Variants in MACROD2 observed in about 807,000 individuals in gnomAD.
The protein encoded by MACROD2 is mono-ADP ribosylhydrolase 2, also known as ADP-ribose glycohydrolase MACROD2.
MACROD2 carries 36 observed loss-of-function variants against 70.4 expected under a neutral mutation model. The ratio of observed to expected loss-of-function variants is 0.51; its 90% CI spans 0.39 to 0.68. MACROD2 has a LOEUF of 0.68. Ranked by LOEUF, MACROD2 falls within the 30% of genes least tolerant of loss-of-function variation. The probability of loss-of-function intolerance (pLI) is 0.00; values close to 1 mark genes in which losing one functional copy is unlikely to be tolerated. For synonymous variants in MACROD2, 172 were observed against 178.8 expected, an observed-to-expected ratio of 0.96 and a Z score of 0.30; for missense variants, 496 against 538.4, an observed-to-expected ratio of 0.92 and a Z score of 0.78.
At chr20:14,041,107 T>A (rs2053384556) in intron 2 of MACROD2, among the ~76,000 whole-genome samples, 1 of 152,214 alleles carries the variant, frequency 6.6e-6, no homozygotes, top group Non-Finnish European at 1.5e-5. Flanking sequence ...CCAAACATTT[T>A]TAATTTACCT....
Position 15,085,873 on chromosome 20 carries a change from A to AACACACACAC in MACROD2, c.419-144037_419-144028dup, listed in dbSNP as rs3070249. Among the ~76,000 whole-genome samples, 706 of 144,376 alleles carry AACACACACAC rather than the reference A, an allele frequency of 4.9e-3. 4 individuals carry two copies. The highest frequency in any genetic ancestry group is 0.025 in the South Asian group (108 of 4,382). The allele number at this position is 144,376 out of a possible 152,430, so 94.7% of individuals were successfully genotyped here. ...AAAGATGAATAACACACACACACACAACACACACACACACACACACACACA... is the reference window on the plus strand; with the variant it reads ...AAAGATGAATAACACACACACACACAACACACACACACACACACACACACACACACACACA... On this transcript the variant is annotated intron_variant, in intron 5 of 17. Coordinates refer to ENST00000684519, the MANE Select transcript of MACROD2 (RefSeq NM_001351661.2).
At chr20:15,052,654 C>A (rs989349104) in intron 5 of MACROD2, among the ~76,000 whole-genome samples, 17 of 152,158 alleles carry the variant, frequency 1.1e-4, no homozygotes, top group Admixed American at 8.5e-4. Context: ...TCTCCTGGAG[C>A]CTCCGTATTC....
At chr20:15,036,561 A>G (rs978043053) in intron 5 of MACROD2, among the ~76,000 whole-genome samples, 3 of 152,196 alleles carry the variant, frequency 2.0e-5, no homozygotes, top group Non-Finnish European at 4.4e-5. Flanking sequence ...ATCATCAATC[A>G]TAATCACGCA....
At chr20:15,212,069 C>T (rs1568640669) in intron 5 of MACROD2, among the ~76,000 whole-genome samples, 1 of 152,132 alleles carries the variant, frequency 6.6e-6, no homozygotes, top group African/African-American at 2.4e-5. Flanking sequence ...GAAATGTCAT[C>T]TCATTGTAGT....
chr20:15,969,112 G>A (rs1433566537), intron 13 of MACROD2, among the ~76,000 whole-genome samples: 1 of 152,026 alleles, frequency 6.6e-6, no homozygotes, highest in Non-Finnish European at 1.5e-5. Context: ...GAATGAACGA[G>A]CAGTAGATTG....
intron 8 of MACROD2, among the ~76,000 whole-genome samples, chr20:15,501,868 C>T (rs866397641): frequency 2.6e-5 from 4 of 152,126 alleles, no homozygotes; most frequent in African/African-American, 7.2e-5. Flanking sequence ...AAACAAACAA[C>T]AGACTAGGTT....
chr20:15,878,122 T>A (rs934313627), intron 9 of MACROD2, among the ~76,000 whole-genome samples: 1 of 151,896 alleles, frequency 6.6e-6, no homozygotes, highest in African/African-American at 2.4e-5. Context: ...CCATGGACCA[T>A]GATAATCTTG....
At chr20:14,759,826 T>C (rs1242664974) in intron 5 of MACROD2, among the ~76,000 whole-genome samples, 11 of 152,094 alleles carry the variant, frequency 7.2e-5, no homozygotes, top group Admixed American at 5.2e-4. Context: ...TTCACTCCAC[T>C]GTATATTAGT....
chr20:14,822,140 C>T (rs916645436), intron 5 of MACROD2, among the ~76,000 whole-genome samples: 4 of 151,984 alleles, frequency 2.6e-5, no homozygotes, highest in Non-Finnish European at 4.4e-5. Flanking sequence ...GCATCTTGTA[C>T]AAAACAAGAC....
rs571213373 is a variant in MACROD2, at chr20:15,133,821, T to C, written c.419-96119T>C. ...TAAATAACACAATATGATGAAGAAT[T>C]ATGAAAATCTTTTAAAATTAACTGT... On this transcript the variant is annotated intron_variant, in intron 5 of 17. Transcript: ENST00000684519. Among the ~76,000 whole-genome samples the C allele has an allele frequency of 2.8e-4, 42 of 152,114 alleles. 1 individual carries two copies. The Middle Eastern group carries it at 0.014, about 49-fold the overall frequency.
At chr20:15,640,562 GC>G (rs1380925317) in intron 8 of MACROD2, among the ~76,000 whole-genome samples, 1 of 152,214 alleles carries the variant, frequency 6.6e-6, no homozygotes, top group Non-Finnish European at 1.5e-5. Context: ...CTATGAGGCA[GC>G]CCTGCCCATG....
At chr20:15,645,115 C>G (rs1428964856) in intron 8 of MACROD2, among the ~76,000 whole-genome samples, 1 of 152,166 alleles carries the variant, frequency 6.6e-6, no homozygotes, top group Non-Finnish European at 1.5e-5. Context: ...TCTCGTGACT[C>G]AAAATAAATG....
At chr20:14,964,616 G>A (rs993564034) in intron 5 of MACROD2, among the ~76,000 whole-genome samples, 5 of 151,776 alleles carry the variant, frequency 3.3e-5, no homozygotes, top group African/African-American at 4.8e-5. Context: ...GAGACTGCAC[G>A]CACACTAGCA....
intron 2 of MACROD2, among the ~76,000 whole-genome samples, chr20:14,059,825 G>A (rs75171057): frequency 0.047 from 7,169 of 152,270 alleles, 260 homozygotes; most frequent in Non-Finnish European, 0.073. Context: ...CTATAAAGAA[G>A]ATAAAATGCT....
intron 5 of MACROD2, among the ~76,000 whole-genome samples, chr20:14,862,737 G>T (rs2073385557): frequency 8.2e-6 from 1 of 121,238 alleles, no homozygotes; most frequent in Non-Finnish European, 1.6e-5. Flanking sequence ...TAGAGAGGAT[G>T]AAGACCAAAG....
At chr20:14,396,989 C>CTTTT (rs372145747) in intron 3 of MACROD2, among the ~76,000 whole-genome samples, 1 of 97,008 alleles carries the variant, frequency 1.0e-5, no homozygotes, top group Non-Finnish European at 1.8e-5. Context: ...AGACCATTTA[C>CTTTT]TTTTTTTTTT....
intron 5 of MACROD2, among the ~76,000 whole-genome samples, chr20:15,136,544 C>T (rs939114482): frequency 7.2e-5 from 11 of 152,290 alleles, no homozygotes; most frequent in African/African-American, 2.6e-4. Context: ...TTCTTTACAC[C>T]TTTTACAAAA....
intron 4 of MACROD2, among the ~76,000 whole-genome samples, chr20:14,601,234 C>T (rs1982476449): frequency 6.6e-6 from 1 of 152,080 alleles, no homozygotes; most frequent in South Asian, 2.1e-4. Flanking sequence ...CAATTTTTTC[C>T]ATGGTGTTTG....
intron 5 of MACROD2, among the ~76,000 whole-genome samples, chr20:14,886,954 C>G (rs950349735): frequency 1.3e-5 from 2 of 152,104 alleles, no homozygotes; most frequent in African/African-American, 2.4e-5. Context: ...TTAGGGCTGT[C>G]TGTGGGACCA....
Sources: gnomAD v4.1 joint callset for allele counts (sites outside exome capture counted in the v4.1 genomes callset) on GRCh38, gnomAD v4.1.1 for gene constraint, MANE v1.5 for transcripts, NCBI Gene and HGNC (gene_info 2026-07-23, HGNC 2026-07-21) for gene names.